Variants in CFAP54 observed in about 807,000 individuals in gnomAD.
CFAP54 encodes cilia- and flagella-associated protein 54.
In CFAP54, 290 loss-of-function variants were observed where a neutral mutation model predicts 370.4. The observed-to-expected ratio is 0.78, with a 90% CI of 0.71 to 0.86. CFAP54 has a LOEUF of 0.86. Among genes scored for constraint, CFAP54 ranks in the 40% least tolerant of loss-of-function variants. The pLI, the probability that CFAP54 is intolerant of heterozygous loss-of-function variation, is 0.00. For missense variants in CFAP54, 3,399 were observed against 3,528.7 expected (o/e 0.96, Z 0.93); for synonymous variants, 1,206 against 1,236.5 (o/e 0.98, Z 0.52).
At chr12:96,775,770 T>C (rs1211956184) in intron 60 of CFAP54, among the ~76,000 whole-genome samples, 1 of 152,192 alleles carries the variant, frequency 6.6e-6, no homozygotes, top group Non-Finnish European at 1.5e-5. Context: ...ATTATAAAGG[T>C]CCCGCTTTTG....
At chr12:96,705,043 G>T (rs1195597176) in intron 47 of CFAP54, among the ~76,000 whole-genome samples, 1 of 152,024 alleles carries the variant, frequency 6.6e-6, no homozygotes, top group East Asian at 1.9e-4. Flanking sequence ...TGAATATCTT[G>T]AAATAATAAT....
intron 40 of CFAP54, among the ~76,000 whole-genome samples, chr12:96,680,840 T>C (rs1212956148): frequency 6.6e-6 from 1 of 152,114 alleles, no homozygotes; most frequent in African/African-American, 2.4e-5. Context: ...TCCCAGCACT[T>C]TGGGAGGCCA....
At chr12:96,838,000 A>G (rs1228911317) in intron 66 of CFAP54, among the ~76,000 whole-genome samples, 1 of 152,236 alleles carries the variant, frequency 6.6e-6, no homozygotes, top group Non-Finnish European at 1.5e-5. Context: ...AGGGTTCACT[A>G]GTTCCCTCTA....
At chr12:96,664,617 AACGT>A (rs1957036631) in intron 39 of CFAP54, among the ~76,000 whole-genome samples, 1 of 90,500 alleles carries the variant, frequency 1.1e-5, no homozygotes, top group Non-Finnish European at 2.0e-5. Flanking sequence ...CCTTACCAAG[AACGT>A]ATGTGTGTGT....
At chr12:96,653,599 C>T (rs1276974451) in intron 36 of CFAP54, among the ~76,000 whole-genome samples, 3 of 151,952 alleles carry the variant, frequency 2.0e-5, no homozygotes, top group Non-Finnish European at 4.4e-5. Flanking sequence ...AAATGTATGG[C>T]ATTCAAATGA....
chr12:96,535,913 G>C (rs556158993), intron 12 of CFAP54, among the ~76,000 whole-genome samples: 6 of 152,208 alleles, frequency 3.9e-5, no homozygotes, highest in African/African-American at 1.4e-4. Flanking sequence ...TGAGTACAAA[G>C]CCTTGTTATT....
At chr12:96,745,414 G>T (rs992751997) in intron 55 of CFAP54, among the ~76,000 whole-genome samples, 1 of 152,130 alleles carries the variant, frequency 6.6e-6, no homozygotes, top group Admixed American at 6.5e-5. Flanking sequence ...TTGTGGTTTT[G>T]ATTTGGATTT....
intron 46 of CFAP54, among the ~76,000 whole-genome samples, chr12:96,703,345 G>T (rs934712526): frequency 9.2e-5 from 14 of 152,098 alleles, no homozygotes; most frequent in Admixed American, 8.5e-4. Flanking sequence ...CTTTGGTAAG[G>T]TTTATTCTCT....
rs369666870 is a variant in CFAP54, at chr12:96,660,393, A to G, written c.5460+2047A>G. Among the ~76,000 whole-genome samples, 11 of 152,236 alleles carry G rather than the reference A, an allele frequency of 7.2e-5. No homozygotes were observed. The East Asian group carries it at 1.7e-3, about 24-fold the overall frequency. The stretch of plus-strand genomic sequence containing the variant: ...TGGACCCCTTTTCTTCTCCATCCAC[A>G]TACTCTTCCATAGTGAGTTAATTCA... On this transcript the variant is annotated intron_variant, in intron 38 of 67. Transcript: ENST00000524981.
intron 63 of CFAP54, among the ~76,000 whole-genome samples, chr12:96,796,112 C>T (rs79004313): frequency 5.6e-4 from 85 of 152,314 alleles, no homozygotes; most frequent in African/African-American, 2.0e-3. Context: ...CCCTCTCACA[C>T]ATTGGGCACT....
intron 51 of CFAP54, among the ~76,000 whole-genome samples, chr12:96,740,427 A>G (rs1028091855): frequency 6.6e-6 from 1 of 152,256 alleles, no homozygotes; most frequent in Non-Finnish European, 1.5e-5. Flanking sequence ...TTGCCTTAGC[A>G]TTGCCAGTCA....
chr12:96,844,574 C>T (rs1442699895), intron 66 of CFAP54, among the ~76,000 whole-genome samples: 1 of 152,184 alleles, frequency 6.6e-6, no homozygotes, highest in African/African-American at 2.4e-5. Context: ...AAATTTGTTA[C>T]AGCAGCAGTA....
intron 25 of CFAP54, among the ~76,000 whole-genome samples, chr12:96,595,398 C>A (rs1956167813): frequency 6.6e-6 from 1 of 152,108 alleles, no homozygotes; most frequent in African/African-American, 2.4e-5. Flanking sequence ...CTGCTTACCA[C>A]AGGAAAGTAA....
chr12:96,753,660 T>G, intron 55 of CFAP54, 83 bp from the exon 56 acceptor site: 385 of 1,309,322 alleles, frequency 2.9e-4, no homozygotes, highest in Non-Finnish European at 3.7e-4. Flanking sequence ...TTCATTACTG[T>G]GAGAGCAGTC....
At chr12:96,747,001 T>C (rs1958122190) in intron 55 of CFAP54, among the ~76,000 whole-genome samples, 1 of 152,234 alleles carries the variant, frequency 6.6e-6, no homozygotes, top group Non-Finnish European at 1.5e-5. Flanking sequence ...ATTATTCTTA[T>C]TGTAATGCTT....
At position 96,538,128 on chromosome 12, in the gene CFAP54, A is replaced by G. The variant is rs528905624; in HGVS notation, c.1792-256A>G. Among the ~76,000 whole-genome samples, 9 of 151,960 alleles carry G rather than the reference A, an allele frequency of 5.9e-5. No homozygotes were observed. In the South Asian group the frequency reaches 1.7e-3, roughly 28 times the overall value. On this transcript the variant is annotated intron_variant, in intron 12 of 67. Transcript: ENST00000524981. ...GGAGTGAGGACTCTGGAGCTAGACT[A>G]CTTAGGTTTGAATCCCTCCCATCTG...
chr12:96,824,920 G>T (rs575491056), intron 65 of CFAP54, among the ~76,000 whole-genome samples: 179 of 151,726 alleles, frequency 1.2e-3, no homozygotes, highest in African/African-American at 4.1e-3. Context: ...TACCTCTCTG[G>T]TGAGAACTCT....
chr12:96,621,474 G>A, intron 26 of CFAP54, 116 bp from the exon 27 acceptor site: 1 of 642,576 alleles, frequency 1.6e-6, no homozygotes, highest in Non-Finnish European at 2.3e-6. Flanking sequence ...AAAATAAAAG[G>A]GGGATTCTTA....
Position 96,740,052 on chromosome 12 carries a change from A to T in CFAP54, c.7062A>T (p.Pro2354=). The stretch of plus-strand genomic sequence containing the variant: ...ATGACACAGAGAATCCTGTCTCTCC[A>T]GGAACTTCTGTAAGTATGACTTAAT... ...VQDDTENPVS[P]GTSVTENKDD... Residue 2354 remains proline, a synonymous_variant, in exon 51 of 68, where the codon CCA becomes CCT. Transcript: ENST00000524981. The T allele has an allele frequency of 6.3e-7, 1 of 1,576,246 alleles. No homozygotes were observed. The highest frequency in any genetic ancestry group is 1.7e-4 in the Middle Eastern group (1 of 5,968).
Sources: allele counts gnomAD v4.1 joint callset (sites outside exome capture counted in the v4.1 genomes callset), GRCh38; gene constraint gnomAD v4.1.1; transcripts MANE v1.5; gene names NCBI Gene and HGNC (gene_info 2026-07-23, HGNC 2026-07-21).